The following CSMD1 variants were observed in gnomAD, a reference collection of about 807,000 sequenced individuals.
CSMD1 encodes CUB and sushi domain-containing protein 1.
CSMD1 carries 213 observed loss-of-function variants against 417.5 expected under a neutral mutation model. The ratio of observed to expected loss-of-function variants is 0.51; its 90% CI spans 0.46 to 0.57. The LOEUF (loss-of-function observed/expected upper bound fraction) is 0.57, where lower values mean the gene tolerates loss of function less well. Among genes scored for constraint, CSMD1 ranks in the 20% least tolerant of loss-of-function variants. The pLI, the probability that CSMD1 is intolerant of heterozygous loss-of-function variation, is 0.00. For synonymous variants in CSMD1, 2,862 were observed against 1,736.8 expected, an observed-to-expected ratio of 1.65 and a Z score of -16.11; for missense variants, 6,923 against 4,529.7, an observed-to-expected ratio of 1.53 and a Z score of -15.17.
chr8:4,465,891 C>A (rs937138534), intron 2 of CSMD1, among the ~76,000 whole-genome samples: 2 of 152,182 alleles, frequency 1.3e-5, no homozygotes, highest in Non-Finnish European at 2.9e-5. Flanking sequence ...GGCTGACTCA[C>A]TGCACTAACA....
intron 3 of CSMD1, among the ~76,000 whole-genome samples, chr8:4,350,708 T>A (rs918151422): frequency 1.3e-5 from 2 of 152,186 alleles, no homozygotes; most frequent in Non-Finnish European, 2.9e-5. Context: ...GTTGTCCACT[T>A]CTCCTGCTGA....
At chr8:4,607,814 T>A (rs537416529) in intron 2 of CSMD1, among the ~76,000 whole-genome samples, 3 of 152,202 alleles carry the variant, frequency 2.0e-5, no homozygotes, top group Non-Finnish European at 4.4e-5. Flanking sequence ...TACTTTTCCC[T>A]TTGCAATAAA....
In CSMD1 at chr8:3,846,209, G is replaced by A. The variant is rs890770463; in HGVS notation, c.819-92167C>T. ...TAGGCTTTTATATAACACACTATAC[G>A]TTTGTTGCCACCAGCATCATCACAG... On this transcript the variant is annotated intron_variant, in intron 5 of 69. Transcript: ENST00000635120. Among the ~76,000 whole-genome samples the A allele has an allele frequency of 9.9e-5, 15 of 152,092 alleles. No individual in the cohort carries two copies. In the South Asian group the frequency reaches 1.2e-3, roughly 13 times the overall value.
At chr8:3,072,722 C>G (rs924525503) in intron 49 of CSMD1, among the ~76,000 whole-genome samples, 2 of 152,192 alleles carry the variant, frequency 1.3e-5, no homozygotes, top group African/African-American at 4.8e-5. Context: ...AACTTTTCAT[C>G]TCCACTTGGA....
chr8:4,545,363 T>G (rs897376773), intron 2 of CSMD1, among the ~76,000 whole-genome samples: 2 of 152,192 alleles, frequency 1.3e-5, no homozygotes, highest in African/African-American at 4.8e-5. Context: ...CGTTTTATTC[T>G]CCTCCAAATA....
chr8:4,023,452 T>C (rs922506362), intron 4 of CSMD1, among the ~76,000 whole-genome samples: 14 of 152,166 alleles, frequency 9.2e-5, no homozygotes, highest in African/African-American at 3.1e-4. Flanking sequence ...ATCTAGACTC[T>C]GGGTTGAGTA....
chr8:3,091,052 G>A (rs1326734943), intron 48 of CSMD1, among the ~76,000 whole-genome samples: 1 of 151,814 alleles, frequency 6.6e-6, no homozygotes, highest in African/African-American at 2.4e-5. Flanking sequence ...ATGGTTATTT[G>A]TACAAATATA....
At chr8:4,160,183 G>A (rs1797067945) in intron 3 of CSMD1, among the ~76,000 whole-genome samples, 1 of 151,966 alleles carries the variant, frequency 6.6e-6, no homozygotes, top group Non-Finnish European at 1.5e-5. Context: ...AGACTTAAGG[G>A]GAAGTATTTG....
intron 26 of CSMD1, among the ~76,000 whole-genome samples, chr8:3,264,322 G>A (rs1801283364): frequency 6.6e-6 from 1 of 152,196 alleles, no homozygotes; most frequent in South Asian, 2.1e-4. Flanking sequence ...GTAATGTGAA[G>A]ATCTGGTATT....
intron 3 of CSMD1, among the ~76,000 whole-genome samples, chr8:4,079,367 C>A (rs531465679): frequency 6.6e-6 from 1 of 152,260 alleles, no homozygotes; most frequent in Admixed American, 6.5e-5. Context: ...TTTATGTAAT[C>A]TGTAATCAGG....
chr8:3,986,857 C>G (rs796196688), intron 5 of CSMD1, among the ~76,000 whole-genome samples: 1 of 152,046 alleles, frequency 6.6e-6, no homozygotes, highest in African/African-American at 2.4e-5. Flanking sequence ...CAGGTTCAAG[C>G]AATTCTCCTG....
intron 3 of CSMD1, among the ~76,000 whole-genome samples, chr8:4,366,297 A>T (rs62479502): frequency 0.21 from 32,204 of 151,614 alleles, 3,604 homozygotes; most frequent in Middle Eastern, 0.28. Context: ...CTCACTTTGC[A>T]TATGTACCAC....
At chr8:3,357,175 G>C (rs1276227047) in intron 21 of CSMD1, among the ~76,000 whole-genome samples, 1 of 152,166 alleles carries the variant, frequency 6.6e-6, no homozygotes, top group Non-Finnish European at 1.5e-5. Context: ...CACCAGAGGG[G>C]CTGGAGGAAA....
At chr8:4,525,510 T>G (rs1167202662) in intron 2 of CSMD1, among the ~76,000 whole-genome samples, 1 of 152,194 alleles carries the variant, frequency 6.6e-6, no homozygotes, top group African/African-American at 2.4e-5. Flanking sequence ...GCGCCATTCC[T>G]CTAGTAAAAC....
At position 3,377,058 on chromosome 8, in the gene CSMD1, T is replaced by C. The variant is rs533715375; in HGVS notation, c.2783-7688A>G. Among the ~76,000 whole-genome samples, 10 of 152,270 alleles carry C rather than the reference T, an allele frequency of 6.6e-5. No homozygotes were observed. In the South Asian group the frequency reaches 2.1e-3, roughly 32 times the overall value. On this transcript the variant is annotated intron_variant, in intron 18 of 69. Coordinates refer to ENST00000635120, the MANE Select transcript of CSMD1 (RefSeq NM_033225.6). ...GAGTCTTGCTCTATTGTCCAGGCTGTAGTGTAGTGGTGTGATCTTGGCTCT... is the reference window on the plus strand; with the variant it reads ...GAGTCTTGCTCTATTGTCCAGGCTGCAGTGTAGTGGTGTGATCTTGGCTCT...
intron 23 of CSMD1, among the ~76,000 whole-genome samples, chr8:3,334,094 GCA>G (rs1807082648): frequency 6.6e-6 from 1 of 152,276 alleles, no homozygotes; most frequent in Non-Finnish European, 1.5e-5. Flanking sequence ...TATATGAGAC[GCA>G]CACAGAGTGT....
intron 2 of CSMD1, among the ~76,000 whole-genome samples, chr8:4,591,811 C>A (rs1799997507): frequency 6.6e-6 from 1 of 152,112 alleles, no homozygotes; most frequent in Admixed American, 6.6e-5. Flanking sequence ...GAGGCAGTGG[C>A]TACAGAAAGA....
In CSMD1 at chr8:4,811,509, T is replaced by A. The variant is rs1248764216; in HGVS notation, c.86-173951A>T. Among the ~76,000 whole-genome samples, 3 of 152,192 alleles carry A rather than the reference T, an allele frequency of 2.0e-5. No homozygotes were observed. In the South Asian group the frequency reaches 6.2e-4, roughly 32 times the overall value. On this transcript the variant is annotated intron_variant, in intron 1 of 69. Coordinates refer to ENST00000635120, the MANE Select transcript of CSMD1 (RefSeq NM_033225.6). ...ATCAAATTTAGGGGATTGGTGGCAATGTATTGCTGCCATAGAAACAAGAGG... is the reference window on the plus strand; with the variant it reads ...ATCAAATTTAGGGGATTGGTGGCAAAGTATTGCTGCCATAGAAACAAGAGG...
At chr8:4,854,057 C>T (rs950716830) in intron 1 of CSMD1, among the ~76,000 whole-genome samples, 3 of 152,120 alleles carry the variant, frequency 2.0e-5, no homozygotes, top group South Asian at 4.2e-4. Context: ...TACAGTCTCA[C>T]AGGGGGAACG....
Sources: allele counts gnomAD v4.1 joint callset (sites outside exome capture counted in the v4.1 genomes callset), GRCh38; gene constraint gnomAD v4.1.1; transcripts MANE v1.5; gene names NCBI Gene and HGNC (gene_info 2026-07-23, HGNC 2026-07-21).